The following NOPCHAP1 variants were observed in gnomAD, a reference collection of about 807,000 sequenced individuals.
The protein encoded by NOPCHAP1 is NOP protein chaperone 1.
In NOPCHAP1, 13 loss-of-function variants were observed where a neutral mutation model predicts 14.0. The ratio of observed to expected loss-of-function variants is 0.93; its 90% CI spans 0.60 to 1.47. NOPCHAP1 has a LOEUF of 1.47. NOPCHAP1 is among the 40% of genes most tolerant of loss of function. The pLI is 0.00. For missense variants in NOPCHAP1, 230 were observed against 226.9 expected, an observed-to-expected ratio of 1.01 and a Z score of -0.09; for synonymous variants, 78 against 78.4, an observed-to-expected ratio of 1.00 and a Z score of 0.03.
rs1565939651 is a variant in NOPCHAP1, at chr12:104,995,821, C to CA, written c.*1126dup. 1 of 151,996 alleles carries CA rather than the reference C, an allele frequency of 6.6e-6. No homozygotes were observed. The highest frequency in any genetic ancestry group is 1.9e-4 in the East Asian group (1 of 5,172). The allele number at this position is 151,996 out of a possible 1,614,324, so 9.4% of individuals were successfully genotyped here. On this transcript the variant is annotated 3_prime_UTR_variant, in exon 4 of 4. Coordinates refer to ENST00000552951, the MANE Select transcript of NOPCHAP1 (RefSeq NM_152318.3). ...TCAGCCTCCTCAGTAGCTGGGAGTA[C>CA]AGGCGCCCACCACCATGCCCGGCTA...
rs1873602348 is a variant in NOPCHAP1, at chr12:105,001,215, T to C, written c.*6519T>C. 1.3e-5 allele frequency: 2 copies of C among 152,142 alleles called. No individual in the cohort carries two copies. The highest frequency in any genetic ancestry group is 1.3e-4 in the Admixed American group (2 of 15,272). 9.4% of individuals were successfully genotyped at this position (152,142 alleles called of 1,614,324 possible). A position where few individuals can be genotyped will look rare whatever the true frequency, so the allele number is the denominator to read the frequency against. On this transcript the variant is annotated 3_prime_UTR_variant, in exon 4 of 4. Transcript: ENST00000552951. Reference sequence around the variant, plus strand: ...AGGGAAGCCCCAGAAGGAAACATACTTTCTAATAACTTATTGTCATAGCAT... The same window carrying C: ...AGGGAAGCCCCAGAAGGAAACATACCTTCTAATAACTTATTGTCATAGCAT...
At chr12:104,993,567 A>G (rs938964050) in intron 3 of NOPCHAP1, among the ~76,000 whole-genome samples, 10 of 152,160 alleles carry the variant, frequency 6.6e-5, no homozygotes, top group African/African-American at 2.2e-4. Context: ...TTCTCTCTCA[A>G]CAGTTCCAAC....
intron 2 of NOPCHAP1, among the ~76,000 whole-genome samples, chr12:104,989,436 C>T (rs1477663813): frequency 1.3e-5 from 2 of 152,136 alleles, no homozygotes; most frequent in East Asian, 1.9e-4. Flanking sequence ...CTGTTTTCTC[C>T]AGTACTTTAA....
intron 1 of NOPCHAP1, among the ~76,000 whole-genome samples, chr12:104,987,337 T>C (rs1381199736): frequency 6.6e-6 from 1 of 152,198 alleles, no homozygotes; most frequent in African/African-American, 2.4e-5. Flanking sequence ...TGAGACATGA[T>C]TTATCATACA....
Position 104,994,471 on chromosome 12 carries a change from TTTGCAGGATGTGGCTTTGTTTGAG to T in NOPCHAP1, c.340-6_357del. ...GAAATAGATTTCCTGTCCACTACTTTTTGCAGGATGTGGCTTTGTTTGAGATGAATCAGTCGGATTCAAAAGAAG... is the reference window on the plus strand; with the variant it reads ...GAAATAGATTTCCTGTCCACTACTTTATGAATCAGTCGGATTCAAAAGAAG... On this transcript the variant is annotated splice_acceptor_variant and splice_polypyrimidine_tract_variant and coding_sequence_variant and intron_variant, in exon 4 of 4. Transcript: ENST00000552951. LOFTEE classifies it high-confidence loss of function. The T allele has an allele frequency of 6.2e-7, 1 of 1,613,504 alleles. No individual in the cohort carries two copies. Among genetic ancestry groups the T allele is most frequent in the Non-Finnish European group, 8.5e-7 (1 of 1,179,478 alleles).
rs1034582707 is a variant in NOPCHAP1, at chr12:105,008,450, G to C, written c.*13754G>C. ...CTATAGGTTGCTGGTTCACTCTGAT[G>C]ATAGTTTATTTTGCTGTGCAGAAGC... On this transcript the variant is annotated 3_prime_UTR_variant, in exon 4 of 4. Transcript: ENST00000552951. The C allele has an allele frequency of 1.3e-5, 2 of 152,174 alleles. No individual in the cohort carries two copies. The highest frequency in any genetic ancestry group is 2.1e-4 in the South Asian group (1 of 4,830). The allele number at this position is 152,174 out of a possible 1,614,324, so 9.4% of individuals were successfully genotyped here.
At chr12:104,986,741 A>G (rs1030133128) in intron 1 of NOPCHAP1, among the ~76,000 whole-genome samples, 19 of 152,318 alleles carry the variant, frequency 1.2e-4, no homozygotes, top group African/African-American at 4.1e-4. Flanking sequence ...CGCCGCTGCC[A>G]GGCATCTGCC....
rs757435959 is a variant in NOPCHAP1 at position 104,986,463 on chromosome 12, C to T, written c.111C>T (p.Arg37=). Residue 37 remains arginine, a synonymous_variant, in exon 1 of 4, where the codon CGC becomes CGT. Transcript: ENST00000552951. ...KELLTAGSDG[R]GGIWDRLLIN... ...TGCTGACGGCGGGAAGCGACGGCCG[C>T]GGAGGTGACGGACGGGTGACGGCGG... The T allele has an allele frequency of 1.9e-6, 3 of 1,598,500 alleles. No homozygotes were observed. The highest frequency in any genetic ancestry group is 2.7e-5 in the African/African-American group (2 of 74,432).
chr12:104,988,248 G>A lies in NOPCHAP1; in HGVS notation c.197G>A (p.Ser66Asn). The change falls in exon 2 of 4, where the codon AGT becomes AAT. Residue 66 changes from serine (S) to asparagine (N), a missense_variant. Ser to Asn is a conservative substitution (Grantham distance 46). Coordinates refer to ENST00000552951, the MANE Select transcript of NOPCHAP1 (RefSeq NM_152318.3). ...STLQTVRIER[S>N]PLLDQVQTFL... ...CTTCAAACAGTTCGGATAGAGAGGA[G>A]TCCCTGTAAGTACCTCTTCCCCTCT... 1 of 1,606,448 alleles carries A rather than the reference G, an allele frequency of 6.2e-7. No homozygotes were observed. The highest frequency in any genetic ancestry group is 8.5e-7 in the Non-Finnish European group (1 of 1,174,002).
Position 104,986,323 on chromosome 12 carries a change from C to T in NOPCHAP1, c.-30C>T. The T allele has an allele frequency of 2.5e-6, 4 of 1,571,720 alleles. No homozygotes were observed. The highest frequency in any genetic ancestry group is 1.4e-5 in the African/African-American group (1 of 73,786). ...CTTACCCGAGCCTTTTTCCTGCATC[C>T]GGGCCTGAGAGTGCAGGCTTGAGGG... On this transcript the variant is annotated 5_prime_UTR_variant, in exon 1 of 4. Coordinates refer to ENST00000552951, the MANE Select transcript of NOPCHAP1 (RefSeq NM_152318.3).
chr12:105,002,283 T>A lies in NOPCHAP1; in HGVS notation c.*7587T>A, dbSNP rs1263456684. 6.6e-6 allele frequency: 1 copy of A among 152,236 alleles called. No homozygotes were observed. The highest frequency in any genetic ancestry group is 1.5e-5 in the Non-Finnish European group (1 of 68,038). The allele number at this position is 152,236 out of a possible 1,614,324, so 9.4% of individuals were successfully genotyped here. On this transcript the variant is annotated 3_prime_UTR_variant, in exon 4 of 4. Transcript: ENST00000552951. ...GACCTTTAGTCTTTTACTTACTCTA[T>A]TCTCTCAAAATGTTGGGCTAGGGCC...
chr12:104,994,829 A>C lies in NOPCHAP1; in HGVS notation c.*133A>C. 1 of 774,172 alleles carries C rather than the reference A, an allele frequency of 1.3e-6. No individual in the cohort carries two copies. Among genetic ancestry groups the C allele is most frequent in the South Asian group, 1.6e-5 (1 of 61,570 alleles). 48.0% of individuals were successfully genotyped at this position (774,172 alleles called of 1,614,324 possible). A position where few individuals can be genotyped will look rare whatever the true frequency, so the allele number is the denominator to read the frequency against. On this transcript the variant is annotated 3_prime_UTR_variant, in exon 4 of 4. Transcript: ENST00000552951. ...TATGTTAAAAACTTTAGACAAGTTA[A>C]ATTTGACAGAGTTTCTTTGGGCAAA...
rs754462525 is a variant in NOPCHAP1, at chr12:104,995,142, A to G, written c.*446A>G. 6 of 189,120 alleles carry G rather than the reference A, an allele frequency of 3.2e-5. No individual in the cohort carries two copies. Among genetic ancestry groups the G allele is most frequent in the Non-Finnish European group, 4.1e-5 (4 of 97,456 alleles). 11.7% of individuals were successfully genotyped at this position (189,120 alleles called of 1,614,324 possible). A position where few individuals can be genotyped will look rare whatever the true frequency, so the allele number is the denominator to read the frequency against. On this transcript the variant is annotated 3_prime_UTR_variant, in exon 4 of 4. Transcript: ENST00000552951. ...ACTTGGCTATTTGTTATAAAAATAC[A>G]CTCCTGAGTTAGGTTTTGGTGTGTA...
rs377084571 is a variant in NOPCHAP1 at position 104,991,798 on chromosome 12, C to T, written c.289C>T (p.Arg97Cys). 1.9e-6 allele frequency: 3 copies of T among 1,613,090 alleles called. No individual in the cohort carries two copies. Among genetic ancestry groups the T allele is most frequent in the African/African-American group, 1.3e-5 (1 of 74,964 alleles). Residue 97 changes from arginine (R) to cysteine (C), a missense_variant, in exon 3 of 4, where the codon CGT becomes TGT. Arg to Cys is a radical substitution (Grantham distance 180). Transcript: ENST00000552951. ...RKEMAAAPPGRFNIENIDGPH... is the reference protein window; with the variant it reads ...RKEMAAAPPGCFNIENIDGPH... ...AGAAATGGCAGCTGCACCACCTGGT[C>T]GTTTCAATATTGAAAACATTGATGG...
chr12:104,988,277 A>C, intron 2 of NOPCHAP1, 24 bp downstream of exon 2: 2 of 1,545,418 alleles, frequency 1.3e-6, no homozygotes, highest in Non-Finnish European at 8.9e-7. Context: ...CCCCTCTCTC[A>C]CCCTCTCTAA....
At position 104,996,230 on chromosome 12, in the gene NOPCHAP1, A is replaced by G. The variant is rs1208757679; in HGVS notation, c.*1534A>G. On this transcript the variant is annotated 3_prime_UTR_variant, in exon 4 of 4. Transcript: ENST00000552951. ...CTGAGGCTGGAAAAGAGGGCTACCT[A>G]GTGGTATTTGAGCATCAGTCAGTTC... 6.6e-6 allele frequency: 1 copy of G among 152,158 alleles called. No homozygotes were observed. The highest frequency in any genetic ancestry group is 1.5e-5 in the Non-Finnish European group (1 of 68,038). 9.4% of individuals were successfully genotyped at this position (152,158 alleles called of 1,614,324 possible). A position where few individuals can be genotyped will look rare whatever the true frequency, so the allele number is the denominator to read the frequency against.
rs1873576540 is a variant in NOPCHAP1, at chr12:104,999,924, C to T, written c.*5228C>T. On this transcript the variant is annotated 3_prime_UTR_variant, in exon 4 of 4. Transcript: ENST00000552951. ...TCCCTTCATCCACTCTCAGTGCCCT[C>T]CCTCTGAAGATCTGCTGGGAGTGCA... 6.6e-6 allele frequency: 1 copy of T among 152,252 alleles called. No individual in the cohort carries two copies. The highest frequency in any genetic ancestry group is 2.4e-5 in the African/African-American group (1 of 41,438). 9.4% of individuals were successfully genotyped at this position (152,252 alleles called of 1,614,324 possible).
At chr12:104,986,587 C>T (rs938880488) in intron 1 of NOPCHAP1, 120 bp downstream of exon 1, 4 of 803,008 alleles carry the variant, frequency 5.0e-6, no homozygotes, top group South Asian at 2.0e-5. Context: ...AGGGGAGCCC[C>T]GGGGACTGCT....
chr12:105,003,513 G>A lies in NOPCHAP1; in HGVS notation c.*8817G>A, dbSNP rs1873651461. 1.3e-5 allele frequency: 2 copies of A among 152,132 alleles called. No individual in the cohort carries two copies. The highest frequency in any genetic ancestry group is 6.5e-5 in the Admixed American group (1 of 15,268). The allele number at this position is 152,132 out of a possible 1,614,324, so 9.4% of individuals were successfully genotyped here. A position where few individuals can be genotyped will look rare whatever the true frequency, so the allele number is the denominator to read the frequency against. On this transcript the variant is annotated 3_prime_UTR_variant, in exon 4 of 4. Coordinates refer to ENST00000552951, the MANE Select transcript of NOPCHAP1 (RefSeq NM_152318.3). ...AATCTGTGTAGCTTTAATCTGAAAG[G>A]GAAATCACACACAACCTCCAGTTGC... is the stretch of plus-strand genomic sequence containing the variant.
Sources: allele counts gnomAD v4.1 joint callset (sites outside exome capture counted in the v4.1 genomes callset), GRCh38; gene constraint gnomAD v4.1.1; transcripts MANE v1.5; gene names NCBI Gene and HGNC (gene_info 2026-07-23, HGNC 2026-07-21).